Variants in MMP16 observed in about 807,000 individuals in gnomAD.
MMP16 encodes matrix metalloproteinase-16.
Under a neutral mutation model 67.8 loss-of-function variants are expected in MMP16, and 12 were observed. The observed-to-expected ratio is 0.18, with a 90% CI of 0.11 to 0.29. The LOEUF (loss-of-function observed/expected upper bound fraction) is 0.29, where lower values mean the gene tolerates loss of function less well. MMP16 is among the 10% of genes least tolerant of loss of function. The pLI, the probability that MMP16 is intolerant of heterozygous loss-of-function variation, is 1.00. For synonymous variants in MMP16, 249 were observed against 255.9 expected (o/e 0.97, Z 0.26); for missense variants, 475 against 765.7 (o/e 0.62, Z 4.48).
intron 7 of MMP16, among the ~76,000 whole-genome samples, chr8:88,061,127 T>TACACACAC (rs149547108): frequency 8.4e-4 from 120 of 143,166 alleles, no homozygotes; most frequent in African/African-American, 1.1e-3. Flanking sequence ...CTGAATATTA[T>TACACACAC]ACACACACAC....
intron 4 of MMP16, among the ~76,000 whole-genome samples, chr8:88,133,133 T>G (rs1808060790): frequency 6.6e-6 from 1 of 151,846 alleles, no homozygotes; most frequent in East Asian, 1.9e-4. Context: ...TGATTTTTAT[T>G]CCACATACTG....
intron 6 of MMP16, among the ~76,000 whole-genome samples, chr8:88,110,615 GA>G (rs1182427427): frequency 6.6e-6 from 1 of 151,504 alleles, no homozygotes; most frequent in Non-Finnish European, 1.5e-5. Context: ...TGTGCTGTGT[GA>G]TTTCTGTAAG....
intron 5 of MMP16, among the ~76,000 whole-genome samples, chr8:88,118,084 C>T (rs926045364): frequency 6.6e-6 from 1 of 152,004 alleles, no homozygotes; most frequent in South Asian, 2.1e-4. Context: ...ATAAAAATGA[C>T]ATTACTATAC....
At chr8:88,181,060 A>C (rs1808972985) in intron 3 of MMP16, among the ~76,000 whole-genome samples, 1 of 152,160 alleles carries the variant, frequency 6.6e-6, no homozygotes, top group African/African-American at 2.4e-5. Flanking sequence ...ACATCTAGTA[A>C]AGAATCTACA....
At chr8:88,261,280 G>T (rs967587135) in intron 1 of MMP16, among the ~76,000 whole-genome samples, 2 of 151,974 alleles carry the variant, frequency 1.3e-5, no homozygotes, top group African/African-American at 4.8e-5. Context: ...TTCATTTATT[G>T]AGATTATAAA....
At chr8:88,147,808 C>A (rs190484014) in intron 4 of MMP16, among the ~76,000 whole-genome samples, 2 of 151,396 alleles carry the variant, frequency 1.3e-5, no homozygotes, top group Non-Finnish European at 3.0e-5. Flanking sequence ...TGCATGCACG[C>A]CCCTAGTTTA....
chr8:88,303,219 G>C (rs938612951), intron 1 of MMP16, among the ~76,000 whole-genome samples: 1 of 152,260 alleles, frequency 6.6e-6, no homozygotes, highest in East Asian at 1.9e-4. Context: ...AGGCAGCGTC[G>C]TTTTAAGGGC....
intron 2 of MMP16, among the ~76,000 whole-genome samples, chr8:88,190,434 A>G (rs748933911): frequency 5.3e-5 from 8 of 152,186 alleles, no homozygotes; most frequent in Non-Finnish European, 1.0e-4. Flanking sequence ...GAAATTTTAA[A>G]GTTCCCAATG....
intron 6 of MMP16, among the ~76,000 whole-genome samples, chr8:88,109,095 G>A (rs1809290647): frequency 6.6e-6 from 1 of 151,326 alleles, no homozygotes; most frequent in Non-Finnish European, 1.5e-5. Context: ...TAAAAAGATT[G>A]TTTATTAAAT....
chr8:88,323,659 T>C (rs778746581), intron 1 of MMP16, among the ~76,000 whole-genome samples: 1 of 152,078 alleles, frequency 6.6e-6, no homozygotes. Context: ...GTTTAGAAAT[T>C]GATAAGGAAT....
rs148331141 is a variant in MMP16, at chr8:88,240,358, G to A, written c.133-43052C>T. Among the ~76,000 whole-genome samples the A allele has an allele frequency of 7.9e-5, 12 of 152,246 alleles. 2 individuals are homozygous for A. Among genetic ancestry groups the A allele is most frequent in the African/African-American group, 2.9e-4 (12 of 41,554 alleles). ...TAGTGAAAAATGCCATCAGCAGAGA[G>A]GATAGCATGAGTGGTGGCCTTGAGG... On this transcript the variant is annotated intron_variant, in intron 1 of 9. Transcript: ENST00000286614.
chr8:88,061,552 T>C (rs999223982), intron 7 of MMP16, among the ~76,000 whole-genome samples: 2 of 152,088 alleles, frequency 1.3e-5, no homozygotes, highest in Admixed American at 1.3e-4. Flanking sequence ...CATGATAATT[T>C]CTTCCAGGCT....
intron 1 of MMP16, among the ~76,000 whole-genome samples, chr8:88,252,156 A>C (rs2129927466): frequency 6.7e-6 from 1 of 149,064 alleles, no homozygotes; most frequent in Admixed American, 6.8e-5. Context: ...ATATACCCAA[A>C]GGACTATAAA....
intron 1 of MMP16, among the ~76,000 whole-genome samples, chr8:88,262,373 T>C (rs1466826590): frequency 6.6e-6 from 1 of 152,242 alleles, no homozygotes; most frequent in Non-Finnish European, 1.5e-5. Context: ...GGCATGTTGA[T>C]GGACTTGTCT....
At chr8:88,186,619 A>G in intron 2 of MMP16, 21 bp from the exon 3 acceptor site, 2 of 1,577,826 alleles carry the variant, frequency 1.3e-6, no homozygotes, top group Non-Finnish European at 1.7e-6. Context: ...AAAAAAAAAA[A>G]AAAAAAAGCA....
At chr8:88,233,007 C>A (rs983831760) in intron 1 of MMP16, among the ~76,000 whole-genome samples, 2 of 152,110 alleles carry the variant, frequency 1.3e-5, no homozygotes, top group African/African-American at 4.8e-5. Flanking sequence ...CTGGCTCTCC[C>A]ACTTATTATA....
At chr8:88,192,825 T>A (rs1809191411) in intron 2 of MMP16, among the ~76,000 whole-genome samples, 1 of 152,124 alleles carries the variant, frequency 6.6e-6, no homozygotes, top group Non-Finnish European at 1.5e-5. Context: ...TAAATAAATT[T>A]TAATTAAGTT....
chr8:88,063,716 G>A (rs146594956), intron 7 of MMP16, among the ~76,000 whole-genome samples: 3 of 151,972 alleles, frequency 2.0e-5, no homozygotes, highest in South Asian at 2.1e-4. Flanking sequence ...TTTTTACTGC[G>A]GTCCAGGCCT....
intron 6 of MMP16, among the ~76,000 whole-genome samples, chr8:88,085,313 A>T (rs1385956809): frequency 4.6e-5 from 7 of 152,078 alleles, no homozygotes. Context: ...GGAAGTTTTC[A>T]ATATTTTATA....
Sources: gnomAD v4.1 joint callset for allele counts (sites outside exome capture counted in the v4.1 genomes callset) on GRCh38, gnomAD v4.1.1 for gene constraint, MANE v1.5 for transcripts, NCBI Gene and HGNC (gene_info 2026-07-23, HGNC 2026-07-21) for gene names.